Variants in STIMATE observed in about 807,000 individuals in gnomAD.
The protein encoded by STIMATE is STIM activating enhancer.
In STIMATE, 15 loss-of-function variants were observed where a neutral mutation model predicts 36.7. The ratio of observed to expected loss-of-function variants is 0.41; its 90% CI spans 0.27 to 0.63. The LOEUF (loss-of-function observed/expected upper bound fraction) is 0.63. STIMATE is among the 20% of genes least tolerant of loss of function. STIMATE has a pLI of 0.32. For synonymous variants in STIMATE, 163 were observed against 162.3 expected, an observed-to-expected ratio of 1.00 and a Z score of -0.03; for missense variants, 305 against 397.3, an observed-to-expected ratio of 0.77 and a Z score of 1.98.
intron 1 of STIMATE, among the ~76,000 whole-genome samples, chr3:52,864,785 G>C (rs1701275078): frequency 6.6e-6 from 1 of 152,004 alleles, no homozygotes; most frequent in Non-Finnish European, 1.5e-5. Flanking sequence ...AGATCTCTAG[G>C]GCAGGGGCAA....
intron 4 of STIMATE, among the ~76,000 whole-genome samples, chr3:52,845,208 G>C (rs1578799750): frequency 6.6e-6 from 1 of 152,236 alleles, no homozygotes; most frequent in East Asian, 1.9e-4. Flanking sequence ...AAGCACTAAA[G>C]TTAGGAAGTG....
chr3:52,843,840 C>T lies in STIMATE; in HGVS notation c.541-42G>A, dbSNP rs760170827. 2.3e-5 allele frequency: 36 copies of T among 1,558,768 alleles called. 1 individual carries two copies. Among genetic ancestry groups the T allele is most frequent in the South Asian group, 1.2e-4 (11 of 90,148 alleles). ...ACTCAGTGAGGTAGGGAGAGGCCAC[C>T]GAGAGTGTGCCTGGGGTGGGTGGGT... On this transcript the variant is annotated intron_variant, in intron 5 of 7. Coordinates refer to ENST00000355083, the MANE Select transcript of STIMATE (RefSeq NM_198563.5).
At chr3:52,887,262 C>A (rs942880880) in intron 1 of STIMATE, among the ~76,000 whole-genome samples, 1 of 152,196 alleles carries the variant, frequency 6.6e-6, no homozygotes, top group Non-Finnish European at 1.5e-5. Context: ...CGAAAATAAT[C>A]CCAGCCTCCT....
At chr3:52,874,720 G>C (rs1277516673) in intron 1 of STIMATE, among the ~76,000 whole-genome samples, 3 of 152,070 alleles carry the variant, frequency 2.0e-5, no homozygotes, top group Non-Finnish European at 4.4e-5. Flanking sequence ...AATTAGCTGG[G>C]CGTGGTGGCT....
In STIMATE at chr3:52,864,947, CTTTTCTTT is replaced by C. The variant is rs1161820996; in HGVS notation, c.161-9511_161-9504del. On this transcript the variant is annotated intron_variant, in intron 1 of 7. Transcript: ENST00000355083. ...GCAAAGGCACTCAACAAGTCTCTCT[CTTTTCTTT>C]TTTTTTTTTGAGATGGAGTCTTGCT... Among the ~76,000 whole-genome samples the C allele has an allele frequency of 3.5e-5, 5 of 141,884 alleles. No homozygotes were observed. In the East Asian group the frequency reaches 1.1e-3, roughly 31 times the overall value. 93.1% of individuals were successfully genotyped at this position (141,884 alleles called of 152,430 possible).
intron 1 of STIMATE, among the ~76,000 whole-genome samples, chr3:52,886,910 G>C (rs138736521): frequency 1.3e-5 from 2 of 152,298 alleles, no homozygotes; most frequent in Non-Finnish European, 2.9e-5. Flanking sequence ...ATGTAATCAT[G>C]AGAAAATATC....
At chr3:52,897,219 A>AG (rs1390060999) in intron 1 of STIMATE, 72 bp downstream of exon 1, 1 of 1,502,782 alleles carries the variant, frequency 6.7e-7, no homozygotes, top group Non-Finnish European at 8.8e-7. Flanking sequence ...TCCGCGCAGG[A>AG]GGGGCCCCCA....
chr3:52,882,076 G>T (rs1402905030), intron 1 of STIMATE, among the ~76,000 whole-genome samples: 2 of 152,236 alleles, frequency 1.3e-5, no homozygotes, highest in Admixed American at 6.5e-5. Context: ...CAATCTGTCA[G>T]CCAGGGCTGC....
intron 1 of STIMATE, among the ~76,000 whole-genome samples, chr3:52,897,070 G>T (rs1055679463): frequency 1.3e-5 from 2 of 152,200 alleles, no homozygotes; most frequent in African/African-American, 4.8e-5. Flanking sequence ...AAAGACAGAC[G>T]TTTAAGGTGG....
chr3:52,868,789 A>G (rs888159002), intron 1 of STIMATE, among the ~76,000 whole-genome samples: 1 of 152,094 alleles, frequency 6.6e-6, no homozygotes, highest in African/African-American at 2.4e-5. Context: ...TGCCTGGCTA[A>G]TTCTGTATTT....
intron 1 of STIMATE, among the ~76,000 whole-genome samples, chr3:52,890,043 G>A (rs958645271): frequency 2.0e-5 from 3 of 152,040 alleles, no homozygotes; most frequent in East Asian, 1.9e-4. Flanking sequence ...CCTCCATGTC[G>A]AGAGCCCTTA....
intron 1 of STIMATE, among the ~76,000 whole-genome samples, chr3:52,856,614 G>T (rs533352223): frequency 6.6e-6 from 1 of 152,252 alleles, no homozygotes; most frequent in African/African-American, 2.4e-5. Context: ...AGCCCAGGAG[G>T]TTGAGGCTGC....
At chr3:52,849,398 A>G (rs916014950) in intron 4 of STIMATE, among the ~76,000 whole-genome samples, 1 of 152,244 alleles carries the variant, frequency 6.6e-6, no homozygotes, top group African/African-American at 2.4e-5. Context: ...ACACCTTCGA[A>G]AAATGAGAGC....
At chr3:52,858,150 C>T (rs1176638774) in intron 1 of STIMATE, among the ~76,000 whole-genome samples, 1 of 152,150 alleles carries the variant, frequency 6.6e-6, no homozygotes, top group Non-Finnish European at 1.5e-5. Flanking sequence ...TTAAGCCACC[C>T]AGTCTGTGAT....
Position 52,897,292 on chromosome 3 carries a change from C to A in STIMATE, c.159G>T (p.Met53Ile). Residue 53 changes from methionine (M) to isoleucine (I), a missense_variant and splice_region_variant, in exon 1 of 8, where the codon ATG becomes ATT. Physicochemically the swap from Met to Ile is conservative, Grantham distance 10. Around this residue, in one of 3 missense-constraint regions of STIMATE, gnomAD observed 164 missense variants for 257.9 expected, o/e 0.64. Transcript: ENST00000355083. ...LLGVVAFSTL[M>I]LKRFREPKHE... The stretch of plus-strand genomic sequence containing the variant: ...AGGGTCGGGGGGTCCCAGACTCACG[C>A]ATTAACGTGCTGAAGGCCACGACGC... 1 of 1,549,048 alleles carries A rather than the reference C, an allele frequency of 6.5e-7. No homozygotes were observed.
At chr3:52,890,820 C>T (rs573630135) in intron 1 of STIMATE, among the ~76,000 whole-genome samples, 31 of 152,328 alleles carry the variant, frequency 2.0e-4, no homozygotes, top group Non-Finnish European at 4.3e-4. Flanking sequence ...GCCCTGCAGA[C>T]CCTTCCTCAC....
chr3:52,882,830 ACCTGGC>A (rs1298271594), intron 1 of STIMATE, among the ~76,000 whole-genome samples: 4 of 152,128 alleles, frequency 2.6e-5, no homozygotes, highest in Non-Finnish European at 5.9e-5. Context: ...AGGGCTTAGG[ACCTGGC>A]AATTAAGAGT....
chr3:52,884,390 C>A (rs796651150), intron 1 of STIMATE, among the ~76,000 whole-genome samples: 3 of 151,974 alleles, frequency 2.0e-5, no homozygotes, highest in African/African-American at 7.3e-5. Context: ...GGACAACAGG[C>A]GCCCGCCACC....
intron 1 of STIMATE, among the ~76,000 whole-genome samples, chr3:52,861,092 A>G (rs559622457): frequency 3.9e-5 from 6 of 152,346 alleles, no homozygotes; most frequent in Non-Finnish European, 8.8e-5. Flanking sequence ...CCAGGAAAGC[A>G]TAAGCCACCC....
Sources: allele counts gnomAD v4.1 joint callset (sites outside exome capture counted in the v4.1 genomes callset), GRCh38; gene constraint gnomAD v4.1.1; regional missense constraint gnomAD v4.1.1; transcripts MANE v1.5; gene names NCBI Gene and HGNC (gene_info 2026-07-23, HGNC 2026-07-21).